COL23A1: variants seen among roughly 807,000 people sequenced by gnomAD.
The protein encoded by COL23A1 is collagen type XXIII alpha 1 chain.
In COL23A1, 97 loss-of-function variants were observed where a neutral mutation model predicts 99.3. The observed-to-expected ratio is 0.98, with a 90% CI of 0.83 to 1.16. COL23A1 has a LOEUF of 1.16. Among genes scored for constraint, COL23A1 ranks in the 50% most tolerant of loss-of-function variants. The probability of loss-of-function intolerance (pLI) is 0.00; values close to 1 mark genes in which losing one functional copy is unlikely to be tolerated. For synonymous variants in COL23A1, 320 were observed against 308.2 expected (o/e 1.04, Z -0.40); for missense variants, 762 against 757.4 (o/e 1.01, Z -0.07).
intron 11 of COL23A1, 104 bp from the exon 12 acceptor site, chr5:178,259,851 G>C (rs535305703): frequency 6.3e-6 from 7 of 1,104,290 alleles, no homozygotes. Flanking sequence ...CTGATGACCC[G>C]TGCCCAGGGC....
intron 2 of COL23A1, among the ~76,000 whole-genome samples, chr5:178,411,902 T>C (rs140947564): frequency 1.3e-5 from 2 of 152,248 alleles, no homozygotes; most frequent in East Asian, 3.8e-4. Context: ...CTGATGAAGA[T>C]GTGTGGAAAT....
intron 2 of COL23A1, among the ~76,000 whole-genome samples, chr5:178,444,419 T>C (rs1415314620): frequency 6.6e-6 from 1 of 152,194 alleles, no homozygotes; most frequent in Non-Finnish European, 1.5e-5. Flanking sequence ...TAGTTTTGTA[T>C]TAGAGTTTTC....
intron 1 of COL23A1, among the ~76,000 whole-genome samples, chr5:178,585,750 G>GGTTGGCGCTGGGGTAA (rs1554201772): frequency 1.3e-5 from 2 of 151,962 alleles, no homozygotes; most frequent in Non-Finnish European, 1.5e-5. Context: ...GGCTGACCCT[G>GGTTGGCGCTGGGGTAA]TTGGTTGCTC....
chr5:178,532,774 T>C (rs1760719066), intron 2 of COL23A1, among the ~76,000 whole-genome samples: 1 of 152,068 alleles, frequency 6.6e-6, no homozygotes, highest in African/African-American at 2.4e-5. Context: ...GCCCCGGTGA[T>C]GGGATTTGGG....
intron 2 of COL23A1, among the ~76,000 whole-genome samples, chr5:178,454,397 G>A (rs1338841595): frequency 4.6e-5 from 7 of 152,146 alleles, no homozygotes; most frequent in South Asian, 4.1e-4. Flanking sequence ...TGCAGGCTGC[G>A]TGCTGTCAGC....
intron 2 of COL23A1, among the ~76,000 whole-genome samples, chr5:178,359,235 T>G (rs573843793): frequency 1.6e-4 from 24 of 152,104 alleles, no homozygotes; most frequent in Non-Finnish European, 2.9e-4. Flanking sequence ...AATAAGATAG[T>G]GAAGGGGGCT....
intron 2 of COL23A1, among the ~76,000 whole-genome samples, chr5:178,456,108 C>T (rs1045066178): frequency 6.6e-6 from 1 of 152,334 alleles, no homozygotes; most frequent in African/African-American, 2.4e-5. Context: ...GATTGTTCTG[C>T]AGATGGTGTT....
intron 16 of COL23A1, among the ~76,000 whole-genome samples, chr5:178,254,663 C>A (rs1423639001): frequency 6.6e-6 from 1 of 152,186 alleles, no homozygotes; most frequent in Non-Finnish European, 1.5e-5. Context: ...TGGGAACAGA[C>A]CCCAGGAAAT....
intron 2 of COL23A1, among the ~76,000 whole-genome samples, chr5:178,447,393 A>C (rs1767220858): frequency 6.6e-6 from 1 of 152,196 alleles, no homozygotes; most frequent in South Asian, 2.1e-4. Context: ...AACATTATAC[A>C]GTCATGTGCC....
chr5:178,320,086 T>C (rs1415204964), intron 2 of COL23A1, among the ~76,000 whole-genome samples: 5 of 147,614 alleles, frequency 3.4e-5, no homozygotes, highest in Non-Finnish European at 6.0e-5. Context: ...AATTTTCAAG[T>C]GCCTGCCTCA....
At chr5:178,376,641 G>A (rs1398030173) in intron 2 of COL23A1, among the ~76,000 whole-genome samples, 1 of 152,236 alleles carries the variant, frequency 6.6e-6, no homozygotes, top group Admixed American at 6.5e-5. Context: ...TTTAATAGAA[G>A]AGAAATCGGA....
Position 178,589,988 on chromosome 5 carries a change from C to A in COL23A1, c.210G>T (p.Glu70Asp). The A allele has an allele frequency of 7.4e-7, 1 of 1,344,124 alleles. No individual in the cohort carries two copies. Among genetic ancestry groups the A allele is most frequent in the South Asian group, 1.9e-5 (1 of 53,460 alleles). The allele number at this position is 1,344,124 out of a possible 1,614,324, so 83.3% of individuals were successfully genotyped here. A position where few individuals can be genotyped will look rare whatever the true frequency, so the allele number is the denominator to read the frequency against. ...ALQGRVAALEEERELLRRAGP... is the reference protein window; with the variant it reads ...ALQGRVAALEDERELLRRAGP... ...CCGCGCGCCGCAGCAGCTCCCGCTC[C>A]TCCTCGAGCGCCGCCACCCGGCCCT... Residue 70 changes from glutamate to aspartate, a missense_variant, in exon 1 of 29, where the codon GAG becomes GAT. By Grantham distance (45) the Glu-to-Asp change is conservative. Coordinates refer to ENST00000390654, the MANE Select transcript of COL23A1 (RefSeq NM_173465.4). The surrounding 1 kb of genome is among the most constrained non-coding windows in gnomAD (Gnocchi z 5.4).
chr5:178,585,734 A>AGCCCTGGTTGGCGCTGGGGTAAT (rs1763952089), intron 1 of COL23A1, among the ~76,000 whole-genome samples: 2 of 113,308 alleles, frequency 1.8e-5, no homozygotes, highest in Non-Finnish European at 4.0e-5. Context: ...AACACTCCAC[A>AGCCCTGGTTGGCGCTGGGGTAAT]GCCCTGGCTG....
intron 3 of COL23A1, among the ~76,000 whole-genome samples, chr5:178,303,838 G>C (rs1428393576): frequency 6.6e-6 from 1 of 152,222 alleles, no homozygotes; most frequent in Non-Finnish European, 1.5e-5. Flanking sequence ...CAACTCTGCA[G>C]ACCAGGCCAA....
chr5:178,571,286 C>T (rs1247902334), intron 1 of COL23A1, among the ~76,000 whole-genome samples: 2 of 151,962 alleles, frequency 1.3e-5, no homozygotes, highest in African/African-American at 2.4e-5. Context: ...CGCTTGAACC[C>T]GGGAGACAGA....
Position 178,589,725 on chromosome 5 carries a change from CG to C in COL23A1, c.294+178del, listed in dbSNP as rs1562119119. The stretch of plus-strand genomic sequence containing the variant: ...CGGAGACCGCAAAACCCCTTGGGGC[CG>C]GCACCCCCTGCCTCCGCCTTGGCGC... On this transcript the variant is annotated intron_variant, in intron 1 of 28. Transcript: ENST00000390654. The surrounding 1 kb of genome is among the most constrained non-coding windows in gnomAD (Gnocchi z 5.4). 6.6e-6 allele frequency among the ~76,000 whole-genome samples: 1 copy of C among 152,156 alleles called. No homozygotes were observed. Among genetic ancestry groups the C allele is most frequent in the African/African-American group, 2.4e-5 (1 of 41,452 alleles).
At chr5:178,447,443 C>T (rs944362487) in intron 2 of COL23A1, among the ~76,000 whole-genome samples, 5 of 152,164 alleles carry the variant, frequency 3.3e-5, no homozygotes, top group East Asian at 1.9e-4. Flanking sequence ...CGGCAGTGGT[C>T]CCTTAAGATT....
At position 178,436,301 on chromosome 5, in the gene COL23A1, C is replaced by T. The variant is rs796680585; in HGVS notation, c.361+124381G>A. 4.4e-4 allele frequency among the ~76,000 whole-genome samples: 67 copies of T among 152,126 alleles called. 1 individual carries two copies. Among genetic ancestry groups the T allele is most frequent in the African/African-American group, 1.4e-3 (57 of 41,468 alleles). On this transcript the variant is annotated intron_variant, in intron 2 of 28. Coordinates refer to ENST00000390654, the MANE Select transcript of COL23A1 (RefSeq NM_173465.4). ...GTGTGGGAAGTGAGAGAGACAGAGGCAGAAAGACCAGAGAGGAGGCTGCCC... is the reference window on the plus strand; with the variant it reads ...GTGTGGGAAGTGAGAGAGACAGAGGTAGAAAGACCAGAGAGGAGGCTGCCC...
intron 2 of COL23A1, among the ~76,000 whole-genome samples, chr5:178,523,143 AAT>A (rs34569306): frequency 0.33 from 35,066 of 106,070 alleles, 6,713 homozygotes; most frequent in East Asian, 0.68. Flanking sequence ...TCTATTTAAA[AAT>A]ATATATATAT....
Sources: allele counts gnomAD v4.1 joint callset (sites outside exome capture counted in the v4.1 genomes callset), GRCh38; gene constraint gnomAD v4.1.1; non-coding constraint Gnocchi (gnomAD v3.1); transcripts MANE v1.5; gene names NCBI Gene and HGNC (gene_info 2026-07-23, HGNC 2026-07-21).